Variants in ALDH1A1 observed in about 807,000 individuals in gnomAD.
The protein encoded by ALDH1A1 is aldehyde dehydrogenase 1 family member A1.
A neutral mutation model predicts 62.1 loss-of-function variants in ALDH1A1; 19 were observed. That is an observed-to-expected ratio of 0.31 (90% confidence interval 0.21 to 0.45). The LOEUF (loss-of-function observed/expected upper bound fraction) is 0.45, where lower values mean the gene tolerates loss of function less well. Ranked by LOEUF, ALDH1A1 falls within the 20% of genes least tolerant of loss-of-function variation. The pLI, the probability that ALDH1A1 is intolerant of heterozygous loss-of-function variation, is 1.00. For synonymous variants in ALDH1A1, 231 were observed against 215.9 expected (o/e 1.07, Z -0.61); for missense variants, 521 against 607.1 (o/e 0.86, Z 1.49).
chr9:72,919,810 C>T (rs1433466914), intron 7 of ALDH1A1, among the ~76,000 whole-genome samples: 1 of 152,196 alleles, frequency 6.6e-6, no homozygotes, highest in Non-Finnish European at 1.5e-5. Flanking sequence ...TAGCTGGAAT[C>T]CTACAGTTCT....
intron 2 of ALDH1A1, 122 bp downstream of exon 2, chr9:72,940,026 G>A: frequency 1.7e-6 from 1 of 587,196 alleles, no homozygotes; most frequent in Non-Finnish European, 2.9e-6. Context: ...ATTTTCCTAA[G>A]CTGCCCCAGA....
intron 2 of ALDH1A1, among the ~76,000 whole-genome samples, chr9:72,933,381 T>G (rs576195632): frequency 6.6e-6 from 1 of 152,160 alleles, no homozygotes; most frequent in East Asian, 1.9e-4. Flanking sequence ...AACCATGAAA[T>G]ATGTTGTGGC....
intron 2 of ALDH1A1, among the ~76,000 whole-genome samples, chr9:72,937,213 T>C (rs1830356706): frequency 6.6e-6 from 1 of 152,130 alleles, no homozygotes; most frequent in Non-Finnish European, 1.5e-5. Flanking sequence ...ATAGTATATC[T>C]ATCGAATATA....
intron 6 of ALDH1A1, 85 bp from the exon 7 acceptor site, chr9:72,924,217 G>T: frequency 2.3e-6 from 2 of 886,218 alleles, no homozygotes; most frequent in Non-Finnish European, 3.5e-6. Context: ...GTCTCTTAAT[G>T]CCAACCTTAT....
intron 9 of ALDH1A1, among the ~76,000 whole-genome samples, chr9:72,913,875 C>T (rs1337200878): frequency 6.6e-6 from 1 of 152,186 alleles, no homozygotes; most frequent in Non-Finnish European, 1.5e-5. Context: ...TGTGGTGGAG[C>T]TTGGGACTAC....
intron 9 of ALDH1A1, among the ~76,000 whole-genome samples, chr9:72,913,012 A>G (rs893187301): frequency 3.3e-5 from 5 of 152,108 alleles, no homozygotes; most frequent in African/African-American, 1.2e-4. Flanking sequence ...GGGGTTAAGG[A>G]TTAAAGGAAA....
At chr9:72,946,212 A>G (rs1230455137) in intron 1 of ALDH1A1, among the ~76,000 whole-genome samples, 1 of 152,034 alleles carries the variant, frequency 6.6e-6, no homozygotes, top group African/African-American at 2.4e-5. Flanking sequence ...GCTCGCATGT[A>G]AGCCCTCTTC....
intron 2 of ALDH1A1, among the ~76,000 whole-genome samples, chr9:72,939,662 C>A (rs924966122): frequency 6.6e-6 from 1 of 151,606 alleles, no homozygotes; most frequent in Non-Finnish European, 1.5e-5. Context: ...GGATTAGAGG[C>A]ATGTGCCACC....
intron 1 of ALDH1A1, among the ~76,000 whole-genome samples, chr9:72,944,195 A>G (rs181954129): frequency 2.3e-4 from 35 of 152,238 alleles, no homozygotes; most frequent in African/African-American, 8.2e-4. Flanking sequence ...AAGTATCCCA[A>G]GTAGATTTGA....
In ALDH1A1 at chr9:72,909,208, C is replaced by G. The variant is rs981847451; in HGVS notation, c.1358+394G>C. On this transcript the variant is annotated intron_variant, in intron 11 of 12. Transcript: ENST00000297785. ...CGGAGTTTTGCTCTTGTTGCTGAGG[C>G]TAGAGTGCAATGGCATGATCTCGGC... Among the ~76,000 whole-genome samples, 3 of 115,332 alleles carry G rather than the reference C, an allele frequency of 2.6e-5. No individual in the cohort carries two copies. In the East Asian group the frequency reaches 8.8e-4, roughly 34 times the overall value. The allele number at this position is 115,332 out of a possible 152,430, so 75.7% of individuals were successfully genotyped here.
intron 12 of ALDH1A1, among the ~76,000 whole-genome samples, chr9:72,904,136 G>T (rs1323107783): frequency 6.6e-6 from 1 of 152,098 alleles, no homozygotes; most frequent in East Asian, 1.9e-4. Flanking sequence ...TAGAGGCTCA[G>T]AAGTTAGGTA....
chr9:72,909,616 C>T lies in ALDH1A1; in HGVS notation c.1344G>A (p.Gln448=). The change falls in exon 11 of 13, where the codon CAG becomes CAA. Residue 448 remains glutamine (Q), a synonymous_variant. Transcript: ENST00000297785. ...GTTGGACTTACCACACTGTTCCTGC[C>T]TGCAGAGCAGAGGAGATTGTTATGG... ...DKAITISSAL[Q]AGTVWVNCYG... 1 of 1,613,114 alleles carries T rather than the reference C, an allele frequency of 6.2e-7. No individual in the cohort carries two copies. The highest frequency in any genetic ancestry group is 8.5e-7 in the Non-Finnish European group (1 of 1,179,584).
chr9:72,945,972 C>CT (rs1310310515), intron 1 of ALDH1A1, among the ~76,000 whole-genome samples: 1 of 151,920 alleles, frequency 6.6e-6, no homozygotes, highest in Non-Finnish European at 1.5e-5. Flanking sequence ...AGTATATACT[C>CT]TTTTTTCTTG....
At chr9:72,947,137 C>A (rs184723792) in intron 1 of ALDH1A1, among the ~76,000 whole-genome samples, 1 of 151,856 alleles carries the variant, frequency 6.6e-6, no homozygotes, top group South Asian at 2.1e-4. Flanking sequence ...AACAACTTGC[C>A]AAGACAGCAG....
intron 1 of ALDH1A1, chr9:72,942,343 C>T: frequency 3.0e-6 from 3 of 985,270 alleles, no homozygotes; most frequent in Non-Finnish European, 3.6e-6. Context: ...CTGCTCTCAC[C>T]CCAAAGTTCT....
intron 2 of ALDH1A1, among the ~76,000 whole-genome samples, chr9:72,931,918 C>T (rs1315230447): frequency 3.9e-5 from 6 of 152,198 alleles, no homozygotes; most frequent in Non-Finnish European, 8.8e-5. Context: ...TCCTGTCCTT[C>T]ACTCTCATAG....
At chr9:72,908,137 C>T (rs776916545) in intron 11 of ALDH1A1, among the ~76,000 whole-genome samples, 1 of 151,568 alleles carries the variant, frequency 6.6e-6, no homozygotes, top group Non-Finnish European at 1.5e-5. Flanking sequence ...TGTATAGGTC[C>T]AGGCCAGCAT....
At position 72,929,101 on chromosome 9, in the gene ALDH1A1, A is replaced by G. The variant is rs1289373232; in HGVS notation, c.313-80T>C. On this transcript the variant is annotated intron_variant, in intron 3 of 12. Transcript: ENST00000297785. ...TATGTAGTAAATATTTTCAGCAATCATGTGCTAGGGAATTTTTGAAATAGA... is the reference window on the plus strand; with the variant it reads ...TATGTAGTAAATATTTTCAGCAATCGTGTGCTAGGGAATTTTTGAAATAGA... 2.8e-5 allele frequency: 41 copies of G among 1,461,488 alleles called. No individual in the cohort carries two copies. The South Asian group carries it at 4.6e-4, about 17-fold the overall frequency. The allele number at this position is 1,461,488 out of a possible 1,614,324, so 90.5% of individuals were successfully genotyped here. A position where few individuals can be genotyped will look rare whatever the true frequency, so the allele number is the denominator to read the frequency against.
chr9:72,944,766 A>G (rs1339362903), intron 1 of ALDH1A1, among the ~76,000 whole-genome samples: 2 of 152,142 alleles, frequency 1.3e-5, no homozygotes, highest in East Asian at 1.9e-4. Context: ...CTATGTAACC[A>G]TTATATATTA....
Sources: gnomAD v4.1 joint callset for allele counts (sites outside exome capture counted in the v4.1 genomes callset) on GRCh38, gnomAD v4.1.1 for gene constraint, MANE v1.5 for transcripts, NCBI Gene and HGNC (gene_info 2026-07-23, HGNC 2026-07-21) for gene names.